Variants in FBN3 observed in about 807,000 individuals in gnomAD.
The protein encoded by FBN3 is fibrillin-3.
Under a neutral mutation model 330.1 loss-of-function variants are expected in FBN3, and 234 were observed. The ratio of observed to expected loss-of-function variants is 0.71; its 90% CI spans 0.64 to 0.79. FBN3 has a LOEUF of 0.79. Among genes scored for constraint, FBN3 ranks in the 30% least tolerant of loss-of-function variants. The pLI is 0.00. For missense variants in FBN3, 3,606 were observed against 3,886.9 expected (o/e 0.93, Z 1.92); for synonymous variants, 1,458 against 1,517.3 (o/e 0.96, Z 0.91).
chr19:8,141,067 C>T (rs1253002750), intron 8 of FBN3, among the ~76,000 whole-genome samples: 2 of 151,284 alleles, frequency 1.3e-5, no homozygotes, highest in Admixed American at 6.6e-5. Context: ...TGGTAGCGGG[C>T]GCCTGTAGTC....
At chr19:8,141,102 G>C in intron 8 of FBN3, among the ~76,000 whole-genome samples, 1 of 150,618 alleles carries the variant, frequency 6.6e-6, no homozygotes. Context: ...GGCTGAGGCA[G>C]GGGAATGGCG....
chr19:8,128,047 G>A (rs1041849296), intron 18 of FBN3, among the ~76,000 whole-genome samples: 2 of 152,126 alleles, frequency 1.3e-5, no homozygotes, highest in Non-Finnish European at 2.9e-5. Context: ...ATGATGAACA[G>A]CCAGATGGAA....
Position 8,131,805 on chromosome 19 carries a change from CCGGG to C in FBN3, c.1735_1738del (p.Pro579AlafsTer4). ...GGTACAGTGGCCGTTCACGCAGATG[CCGGG>C]CGTCTGGCACTCGTCAATGTCTGCA... On this transcript the variant is annotated frameshift_variant, in exon 15 of 64. Transcript: ENST00000600128. LOFTEE classifies it high-confidence loss of function. This position sits in a 1 kb window ranked among gnomAD's most constrained non-coding sequence, Gnocchi z 4.5. The C allele has an allele frequency of 1.2e-6, 2 of 1,601,218 alleles. No homozygotes were observed. Among genetic ancestry groups the C allele is most frequent in the Non-Finnish European group, 1.7e-6 (2 of 1,170,776 alleles).
Position 8,096,951 on chromosome 19 carries a change from G to C in FBN3, c.5343C>G (p.Ile1781Met), listed in dbSNP as rs144017976. The C allele has an allele frequency of 2.7e-5, 43 of 1,613,684 alleles. No individual in the cohort carries two copies. Among genetic ancestry groups the C allele is most frequent in the Admixed American group, 2.3e-4 (14 of 60,006 alleles). The change falls in exon 43 of 64, where the codon ATC (isoleucine) becomes ATG (methionine). Residue 1781 changes from isoleucine (I) to methionine (M), a missense_variant. Physicochemically the swap from Ile to Met is conservative, Grantham distance 10 (BLOSUM62 1). Coordinates refer to ENST00000600128, the MANE Select transcript of FBN3 (RefSeq NM_032447.5). This position sits in a 1 kb window ranked among gnomAD's most constrained non-coding sequence, Gnocchi z 4.6. Reference protein sequence around the residue: ...ESPCQQNADCINIPGSYRCKC... With the variant: ...ESPCQQNADCMNIPGSYRCKC... ...TGCAGCGGTAGCTACCGGGGATGTT[G>C]ATGCAGTCAGCATTCTGCTGGCAGG...
At chr19:8,087,747 T>C (rs2081998635) in intron 53 of FBN3, 78 bp downstream of exon 53, 1 of 1,312,578 alleles carries the variant, frequency 7.6e-7, no homozygotes, top group Non-Finnish European at 1.1e-6. Flanking sequence ...TAGCTGGGAT[T>C]ACAGGCGTGT....
chr19:8,149,456 G>A lies in FBN3; in HGVS notation c.-25C>T, dbSNP rs1260273829. ...CCCCGCGCCTTCACCTACCTGCGAG[G>A]CGGCGCGCGTGGAGGCGGGCACGGC... On this transcript the variant is annotated 5_prime_UTR_variant, in exon 1 of 64. Transcript: ENST00000600128. This position sits in a 1 kb window ranked among gnomAD's most constrained non-coding sequence, Gnocchi z 5.5. The A allele has an allele frequency of 6.6e-6, 1 of 152,036 alleles. No homozygotes were observed. Among genetic ancestry groups the A allele is most frequent in the Non-Finnish European group, 1.5e-5 (1 of 68,000 alleles). The allele number at this position is 152,036 out of a possible 1,614,324, so 9.4% of individuals were successfully genotyped here. A position where few individuals can be genotyped will look rare whatever the true frequency, so the allele number is the denominator to read the frequency against.
At position 8,117,210 on chromosome 19, in the gene FBN3, C is replaced by T; in HGVS notation, c.3545G>A (p.Gly1182Glu). The change falls in exon 28 of 64, where the codon GGG (glycine) becomes GAG (glutamate). Residue 1182 changes from glycine to glutamate, a missense_variant. By Grantham distance (98) the Gly-to-Glu change is moderately conservative. Transcript: ENST00000600128. ...NTEGSYRCSC[G>E]QGYSLMPDGR... Reference sequence around the variant, plus strand: ...GTCGGGCATCAGCGAGTAGCCCTGCCCACAGCTGCACCGGTAGCTGCCCTC... The same window carrying T: ...GTCGGGCATCAGCGAGTAGCCCTGCTCACAGCTGCACCGGTAGCTGCCCTC... 6.2e-7 allele frequency: 1 copy of T among 1,614,096 alleles called. No homozygotes were observed. The highest frequency in any genetic ancestry group is 2.2e-5 in the East Asian group (1 of 44,876).
At position 8,087,305 on chromosome 19, in the gene FBN3, G is replaced by C. The variant is rs999629745; in HGVS notation, c.6620-94C>G. On this transcript the variant is annotated intron_variant, in intron 53 of 63. Coordinates refer to ENST00000600128, the MANE Select transcript of FBN3 (RefSeq NM_032447.5). The stretch of plus-strand genomic sequence containing the variant: ...ACCCTGCGTCAGCCCTGTGGGACCT[G>C]AGTGAGTTCCCTGCAGACCCTGTCA... 6 of 1,358,118 alleles carry C rather than the reference G, an allele frequency of 4.4e-6. No homozygotes were observed. In the Admixed American group the frequency reaches 8.2e-5, roughly 19 times the overall value. 84.1% of individuals were successfully genotyped at this position (1,358,118 alleles called of 1,614,324 possible).
chr19:8,110,042 TC>T (rs2082541577), intron 34 of FBN3, among the ~76,000 whole-genome samples: 1 of 152,112 alleles, frequency 6.6e-6, no homozygotes, highest in African/African-American at 2.4e-5. Flanking sequence ...GAAAATCATA[TC>T]TATTTTATTT....
chr19:8,102,362 G>A (rs772878263), intron 40 of FBN3, among the ~76,000 whole-genome samples: 1 of 151,966 alleles, frequency 6.6e-6, no homozygotes, highest in Admixed American at 6.6e-5. Context: ...TTACGGGCCT[G>A]CGCCACCACA....
chr19:8,100,586 C>G (rs1724226422), intron 41 of FBN3, among the ~76,000 whole-genome samples: 1 of 152,196 alleles, frequency 6.6e-6, no homozygotes, highest in Non-Finnish European at 1.5e-5. Flanking sequence ...GATCCACCCA[C>G]CTCGGCCTCC....
chr19:8,099,579 C>T (rs1200867362), intron 41 of FBN3, among the ~76,000 whole-genome samples: 2 of 151,612 alleles, frequency 1.3e-5, no homozygotes, highest in Non-Finnish European at 2.9e-5. Flanking sequence ...CACGCCCGGC[C>T]GCCATGGTTT....
intron 56 of FBN3, 133 bp downstream of exon 56, chr19:8,085,230 C>T (rs2081910644): frequency 1.6e-6 from 1 of 629,738 alleles, no homozygotes; most frequent in Admixed American, 3.4e-5. Flanking sequence ...GACACACACA[C>T]ACACACACAC....
rs1315231909 is a variant in FBN3 at position 8,115,523 on chromosome 19, C to T, written c.3830G>A (p.Gly1277Asp). Residue 1277 changes from glycine (G) to aspartate (D), a missense_variant, in exon 30 of 64, where the codon GGC (glycine) becomes GAC (aspartate). Coordinates refer to ENST00000600128, the MANE Select transcript of FBN3 (RefSeq NM_032447.5). Reference protein sequence around the residue: ...LGYMVRKGATGCSDVDECEVG... With the variant: ...LGYMVRKGATDCSDVDECEVG... ...GCTGACCGCCGGCTCACCAGAGCAGCCTGTGGCCCCCTTCCTGACCATGTA... is the reference window on the plus strand; with the variant it reads ...GCTGACCGCCGGCTCACCAGAGCAGTCTGTGGCCCCCTTCCTGACCATGTA... 3 of 1,613,750 alleles carry T rather than the reference C, an allele frequency of 1.9e-6. No homozygotes were observed. Among genetic ancestry groups the T allele is most frequent in the Non-Finnish European group, 2.5e-6 (3 of 1,180,006 alleles).
At chr19:8,132,902 G>A (rs11671264) in intron 14 of FBN3, 82 bp downstream of exon 14, 509,343 of 1,422,546 alleles carry the variant, frequency 0.36, 95,047 homozygotes, top group Middle Eastern at 0.4. Flanking sequence ...ATCCCCGTCC[G>A]GTCCCTCTCC....
chr19:8,105,667 G>C lies in FBN3; in HGVS notation c.4813+441C>G, dbSNP rs145372546. Among the ~76,000 whole-genome samples, 917 of 152,314 alleles carry C rather than the reference G, an allele frequency of 6.0e-3. 13 individuals carry two copies. The highest frequency in any genetic ancestry group is 0.021 in the African/African-American group (871 of 41,558). The stretch of plus-strand genomic sequence containing the variant: ...TATTCTTAGCTAGCAGGCAAAAATA[G>C]GTAGTGGAATATTAGCATGGTAAGA... On this transcript the variant is annotated intron_variant, in intron 38 of 63. Transcript: ENST00000600128.
In FBN3 at chr19:8,109,745, C is replaced by T. The variant is rs144956618; in HGVS notation, c.4342G>A (p.Glu1448Lys). ...ATGCAGTTTACTGGGTCTGCACACTCGTTGATGTCTGTAGGGAGGAAGCGC... is the reference window on the plus strand; with the variant it reads ...ATGCAGTTTACTGGGTCTGCACACTTGTTGATGTCTGTAGGGAGGAAGCGC... Reference protein sequence around the residue: ...RGGGNCTDINECADPVNCING... With the variant: ...RGGGNCTDINKCADPVNCING... Residue 1448 changes from glutamate to lysine, a missense_variant, in exon 35 of 64, where the codon GAG becomes AAG. Physicochemically the swap from Glu to Lys is moderately conservative, Grantham distance 56 (BLOSUM62 1). Coordinates refer to ENST00000600128, the MANE Select transcript of FBN3 (RefSeq NM_032447.5). This position sits in a 1 kb window ranked among gnomAD's most constrained non-coding sequence, Gnocchi z 5.2. 4.6e-6 allele frequency: 7 copies of T among 1,515,678 alleles called. No homozygotes were observed. The highest frequency in any genetic ancestry group is 5.3e-6 in the Non-Finnish European group (6 of 1,131,686). The allele number at this position is 1,515,678 out of a possible 1,614,324, so 93.9% of individuals were successfully genotyped here.
At position 8,072,996 on chromosome 19, in the gene FBN3, T is replaced by C. The variant is rs1360940006; in HGVS notation, c.7937+67A>G. The C allele has an allele frequency of 1.3e-4, 116 of 897,172 alleles. 1 individual carries two copies. Among genetic ancestry groups the C allele is most frequent in the Middle Eastern group, 9.3e-4 (4 of 4,308 alleles). 55.6% of individuals were successfully genotyped at this position (897,172 alleles called of 1,614,324 possible). On this transcript the variant is annotated intron_variant, in intron 62 of 63. Transcript: ENST00000600128. ...GTGTGTGTGTGTGTGTGTGTGTGTG[T>C]GTGTGTGCGTGCGTGCATGGACGCT...
intron 24 of FBN3, among the ~76,000 whole-genome samples, chr19:8,122,812 C>T (rs746374828): frequency 6.6e-6 from 1 of 151,898 alleles, no homozygotes; most frequent in Non-Finnish European, 1.5e-5. Flanking sequence ...CTACAGGTGC[C>T]TGCCACCACG....
Sources: gnomAD v4.1 joint callset for allele counts (sites outside exome capture counted in the v4.1 genomes callset) on GRCh38, gnomAD v4.1.1 for gene constraint, Gnocchi (gnomAD v3.1) non-coding constraint, MANE v1.5 for transcripts, NCBI Gene and HGNC (gene_info 2026-07-23, HGNC 2026-07-21) for gene names.